PTPRK: variants seen among roughly 807,000 people sequenced by gnomAD.
The protein encoded by PTPRK is protein tyrosine phosphatase receptor type K.
PTPRK carries 75 observed loss-of-function variants against 178.0 expected under a neutral mutation model. That is an observed-to-expected ratio of 0.42 (90% CI 0.35 to 0.51). PTPRK has a LOEUF of 0.51. Among genes scored for constraint, PTPRK ranks in the 20% least tolerant of loss-of-function variants. The pLI, the probability that PTPRK is intolerant of heterozygous loss-of-function variation, is 0.02. For missense variants in PTPRK, 1,441 were observed against 1,797.8 expected (o/e 0.80, Z 3.59); for synonymous variants, 637 against 620.6 (o/e 1.03, Z -0.39).
At chr6:128,299,703 C>T (rs1399395378) in intron 3 of PTPRK, among the ~76,000 whole-genome samples, 1 of 152,088 alleles carries the variant, frequency 6.6e-6, no homozygotes, top group Non-Finnish European at 1.5e-5. Context: ...CTTCCTTACA[C>T]CTTATACAAA....
At position 127,990,689 on chromosome 6, in the gene PTPRK, C is replaced by A; in HGVS notation, c.3096+80G>T. ...GAATGAATGGATTTTATAGCATCAT[C>A]AAAACAGAACTTGGCAAAGATTTTA... On this transcript the variant is annotated intron_variant, in intron 21 of 29. Transcript: ENST00000368226. 4.4e-6 allele frequency: 4 copies of A among 904,402 alleles called. No homozygotes were observed. The South Asian group carries it at 4.6e-5, about 10-fold the overall frequency. The allele number at this position is 904,402 out of a possible 1,614,324, so 56.0% of individuals were successfully genotyped here. A position where few individuals can be genotyped will look rare whatever the true frequency, so the allele number is the denominator to read the frequency against.
intron 13 of PTPRK, among the ~76,000 whole-genome samples, chr6:128,039,887 G>C (rs904323008): frequency 2.6e-5 from 4 of 152,168 alleles, no homozygotes; most frequent in African/African-American, 9.7e-5. Flanking sequence ...ATGGCCAATA[G>C]TCCCAATATT....
At chr6:128,444,569 T>C (rs1346695030) in intron 1 of PTPRK, among the ~76,000 whole-genome samples, 1 of 152,190 alleles carries the variant, frequency 6.6e-6, no homozygotes, top group Non-Finnish European at 1.5e-5. Flanking sequence ...TTTATCGCTT[T>C]AACTACTGTG....
In PTPRK at chr6:128,064,882, T is replaced by C. The variant is rs1478576736; in HGVS notation, c.2158-88A>G. The C allele has an allele frequency of 3.6e-6, 5 of 1,373,302 alleles. No individual in the cohort carries two copies. The East Asian group carries it at 1.0e-4, about 29-fold the overall frequency. The allele number at this position is 1,373,302 out of a possible 1,614,324, so 85.1% of individuals were successfully genotyped here. On this transcript the variant is annotated intron_variant, in intron 12 of 29. Transcript: ENST00000368226. The stretch of plus-strand genomic sequence containing the variant: ...ACTATAATTATTATGAAGATCCATC[T>C]GGGGTCATAAAAAGGGATTATAAAC...
At position 128,286,098 on chromosome 6, in the gene PTPRK, T is replaced by C. The variant is rs188231023; in HGVS notation, c.495+35941A>G. On this transcript the variant is annotated intron_variant, in intron 3 of 29. Transcript: ENST00000368226. ...CTGGGCTCTTGCCCTGCCTCTATTA[T>C]GCACCCTCCCCACAGCAGCCAGTGG... 4.6e-5 allele frequency among the ~76,000 whole-genome samples: 7 copies of C among 152,212 alleles called. No individual in the cohort carries two copies. In the East Asian group the frequency reaches 1.2e-3, roughly 25 times the overall value.
At chr6:128,435,597 T>C (rs1454829042) in intron 1 of PTPRK, among the ~76,000 whole-genome samples, 1 of 152,140 alleles carries the variant, frequency 6.6e-6, no homozygotes, top group African/African-American at 2.4e-5. Flanking sequence ...AAGGAAATGA[T>C]AGTTTTCTAT....
intron 1 of PTPRK, among the ~76,000 whole-genome samples, chr6:128,490,989 T>C (rs938027810): frequency 6.6e-6 from 1 of 152,192 alleles, no homozygotes; most frequent in Non-Finnish European, 1.5e-5. Flanking sequence ...TTAAAGTCCC[T>C]ACCTCCAAAT....
chr6:128,463,385 A>G (rs1436665626), intron 1 of PTPRK, among the ~76,000 whole-genome samples: 1 of 152,152 alleles, frequency 6.6e-6, no homozygotes, highest in African/African-American at 2.4e-5. Context: ...CCCAGGGTTA[A>G]TAACCAGTTT....
At chr6:128,167,667 A>G (rs532048600) in intron 7 of PTPRK, among the ~76,000 whole-genome samples, 2 of 152,168 alleles carry the variant, frequency 1.3e-5, no homozygotes, top group African/African-American at 4.8e-5. Flanking sequence ...GAGTCCAACC[A>G]CAGTAAGGTT....
intron 1 of PTPRK, among the ~76,000 whole-genome samples, chr6:128,511,456 C>A (rs1334036441): frequency 2.6e-5 from 4 of 152,182 alleles, no homozygotes; most frequent in Non-Finnish European, 4.4e-5. Context: ...TCAGGTGCAA[C>A]CAGCAGATAA....
At chr6:128,029,714 C>A (rs1214979302) in intron 13 of PTPRK, among the ~76,000 whole-genome samples, 1 of 150,450 alleles carries the variant, frequency 6.6e-6, no homozygotes, top group Non-Finnish European at 1.5e-5. Flanking sequence ...TACTTTATAG[C>A]AATGCAAGGA....
In PTPRK at chr6:128,240,130, G is replaced by T; in HGVS notation, c.598C>A (p.Arg200Ser). ...YPCDKSPHFL[R>S]LGDVEVNAGQ... Reference sequence around the variant, plus strand: ...GCATTCACCTCTACATCCCCTAGACGGAGGAAATGAGGAGATTTATCTGTG... The same window carrying T: ...GCATTCACCTCTACATCCCCTAGACTGAGGAAATGAGGAGATTTATCTGTG... The change falls in exon 5 of 30, where the codon CGT (arginine) becomes AGT (serine). Residue 200 changes from arginine (R) to serine (S), a missense_variant. Physicochemically the swap from Arg to Ser is moderately radical, Grantham distance 110. Transcript: ENST00000368226. 6.2e-7 allele frequency: 1 copy of T among 1,612,698 alleles called. No homozygotes were observed. The highest frequency in any genetic ancestry group is 1.1e-5 in the South Asian group (1 of 90,900).
At chr6:128,085,130 C>T (rs373162241) in intron 8 of PTPRK, 1 of 152,172 alleles carries the variant, frequency 6.6e-6, no homozygotes, top group Non-Finnish European at 1.5e-5. Context: ...TAATTTGATA[C>T]ATTGAGGAAA....
intron 29 of PTPRK, among the ~76,000 whole-genome samples, chr6:127,970,505 G>A (rs751483249): frequency 3.3e-5 from 5 of 151,712 alleles, no homozygotes; most frequent in African/African-American, 7.3e-5. Context: ...TATCTTTGCC[G>A]CATATTTTCT....
chr6:128,239,867 C>T (rs1471930814), intron 5 of PTPRK, among the ~76,000 whole-genome samples, 168 bp downstream of exon 5: 1 of 152,182 alleles, frequency 6.6e-6, no homozygotes, highest in Non-Finnish European at 1.5e-5. Flanking sequence ...AAAAGGAAAT[C>T]TCTAACATGA....
chr6:128,083,702 G>A lies in PTPRK; in HGVS notation c.1575+13C>T. ...AATCCACATTTCAATTAACTTCCTT[G>A]TTCTCCCAATACCTCATATTGAGTG... On this transcript the variant is annotated intron_variant, in intron 9 of 29. Transcript: ENST00000368226. 6.7e-7 allele frequency: 1 copy of A among 1,485,592 alleles called. No individual in the cohort carries two copies. Among genetic ancestry groups the A allele is most frequent in the Admixed American group, 1.9e-5 (1 of 53,194 alleles). The allele number at this position is 1,485,592 out of a possible 1,614,324, so 92.0% of individuals were successfully genotyped here.
chr6:128,366,733 G>A (rs553573170), intron 2 of PTPRK, among the ~76,000 whole-genome samples: 1 of 152,268 alleles, frequency 6.6e-6, no homozygotes, highest in African/African-American at 2.4e-5. Context: ...GTGGAGGCAT[G>A]TCAAGTGTGC....
intron 3 of PTPRK, among the ~76,000 whole-genome samples, chr6:128,249,565 T>C (rs1816105186): frequency 6.6e-6 from 1 of 152,122 alleles, no homozygotes; most frequent in African/African-American, 2.4e-5. Flanking sequence ...TTGGGAAGTA[T>C]GATACATATG....
At chr6:127,993,377 G>A (rs1055347373) in intron 18 of PTPRK, among the ~76,000 whole-genome samples, 1 of 151,082 alleles carries the variant, frequency 6.6e-6, no homozygotes, top group Admixed American at 6.6e-5. Context: ...TTTTTTCAGT[G>A]TGCTAAAAGT....
Sources: allele counts gnomAD v4.1 joint callset (sites outside exome capture counted in the v4.1 genomes callset), GRCh38; gene constraint gnomAD v4.1.1; transcripts MANE v1.5; gene names NCBI Gene and HGNC (gene_info 2026-07-23, HGNC 2026-07-21).